ARHGEF26: variants seen among roughly 807,000 people sequenced by gnomAD.
The protein encoded by ARHGEF26 is Rho guanine nucleotide exchange factor (GEF) 26.
ARHGEF26 carries 59 observed loss-of-function variants against 89.4 expected under a neutral mutation model. That is an observed-to-expected ratio of 0.66 (90% CI 0.54 to 0.82). The LOEUF (loss-of-function observed/expected upper bound fraction) is 0.82. ARHGEF26 is among the 40% of genes least tolerant of loss of function. The probability of loss-of-function intolerance (pLI) is 0.00; values close to 1 mark genes in which losing one functional copy is unlikely to be tolerated. For synonymous variants in ARHGEF26, 500 were observed against 428.4 expected (o/e 1.17, Z -2.06); for missense variants, 1,234 against 1,085.6 (o/e 1.14, Z -1.92).
At chr3:154,190,708 G>A (rs186993956) in intron 7 of ARHGEF26, among the ~76,000 whole-genome samples, 3 of 152,196 alleles carry the variant, frequency 2.0e-5, no homozygotes, top group Non-Finnish European at 2.9e-5. Context: ...TCATTAAAAT[G>A]TTATAGCAGC....
intron 6 of ARHGEF26, among the ~76,000 whole-genome samples, chr3:154,169,736 G>A (rs1712294546): frequency 6.6e-6 from 1 of 152,294 alleles, no homozygotes; most frequent in Non-Finnish European, 1.5e-5. Context: ...TGCCATTGGC[G>A]TGAGTTCATT....
At chr3:154,133,250 A>G (rs1025305184) in intron 4 of ARHGEF26, among the ~76,000 whole-genome samples, 2 of 152,100 alleles carry the variant, frequency 1.3e-5, no homozygotes, top group Non-Finnish European at 2.9e-5. Flanking sequence ...CATGCTGGGT[A>G]AGGCAGTGTT....
Position 154,152,943 on chromosome 3 carries a change from T to A in ARHGEF26, c.1487+11T>A. On this transcript the variant is annotated intron_variant, in intron 6 of 14. Transcript: ENST00000465093. ...TGAGGCAAGCAAAAAGTAAGTGCAC[T>A]GCAGTCTGCCTTTGGTCGTGCCAAG... 1 of 1,552,476 alleles carries A rather than the reference T, an allele frequency of 6.4e-7. No homozygotes were observed. The highest frequency in any genetic ancestry group is 8.7e-7 in the Non-Finnish European group (1 of 1,150,826).
intron 4 of ARHGEF26, among the ~76,000 whole-genome samples, chr3:154,136,008 G>A (rs1236741450): frequency 6.6e-6 from 1 of 152,122 alleles, no homozygotes; most frequent in Admixed American, 6.6e-5. Context: ...CATGGGGTGC[G>A]TTTGTGTAAT....
At chr3:154,220,401 A>G (rs2108251756) in intron 10 of ARHGEF26, among the ~76,000 whole-genome samples, 1 of 152,332 alleles carries the variant, frequency 6.6e-6, no homozygotes, top group East Asian at 1.9e-4. Context: ...GGAGATGGAC[A>G]ACTCTAAGAG....
At chr3:154,125,361 C>T (rs368620909) in intron 3 of ARHGEF26, among the ~76,000 whole-genome samples, 52 of 152,068 alleles carry the variant, frequency 3.4e-4, no homozygotes, top group Non-Finnish European at 6.0e-4. Flanking sequence ...ATTCATTCAC[C>T]GCACCAATCT....
At chr3:154,152,434 T>G (rs1422721911) in intron 5 of ARHGEF26, among the ~76,000 whole-genome samples, 1 of 152,168 alleles carries the variant, frequency 6.6e-6, no homozygotes, top group African/African-American at 2.4e-5. Flanking sequence ...AAAGGTTAAT[T>G]AATGTCTCAC....
intron 9 of ARHGEF26, among the ~76,000 whole-genome samples, chr3:154,216,157 TA>T (rs1193985567): frequency 6.6e-6 from 1 of 152,056 alleles, no homozygotes; most frequent in African/African-American, 2.4e-5. Flanking sequence ...TTTATATTAT[TA>T]AAAATAAATC....
At chr3:154,255,233 C>A in intron 14 of ARHGEF26, 98 bp from the exon 15 acceptor site, 1 of 1,282,464 alleles carries the variant, frequency 7.8e-7, no homozygotes, top group Non-Finnish European at 1.1e-6. Context: ...TAGCACTTAG[C>A]CTGGGGAGGG....
rs368504534 is a variant in ARHGEF26, at chr3:154,122,499, G to T, written c.507G>T (p.Pro169=). Residue 169 remains proline (P), a synonymous_variant, in exon 2 of 15, where the codon CCG becomes CCT. Coordinates refer to ENST00000465093, the MANE Select transcript of ARHGEF26 (RefSeq NM_015595.4). ...EEDLTGLTAS[P]VPSPTANGLA... The stretch of plus-strand genomic sequence containing the variant: ...ACCTTACTGGGTTGACTGCCAGCCC[G>T]GTGCCTTCGCCCACTGCAAATGGCC... 1.2e-6 allele frequency: 2 copies of T among 1,612,892 alleles called. No individual in the cohort carries two copies. Among genetic ancestry groups the T allele is most frequent in the African/African-American group, 1.3e-5 (1 of 74,916 alleles).
At chr3:154,155,672 G>A (rs977180487) in intron 6 of ARHGEF26, among the ~76,000 whole-genome samples, 1 of 151,982 alleles carries the variant, frequency 6.6e-6, no homozygotes, top group Non-Finnish European at 1.5e-5. Flanking sequence ...CAAGCATTAT[G>A]TTGTAGCCTT....
At chr3:154,149,139 A>G (rs1719861723) in intron 4 of ARHGEF26, among the ~76,000 whole-genome samples, 1 of 152,196 alleles carries the variant, frequency 6.6e-6, no homozygotes, top group African/African-American at 2.4e-5. Context: ...GAACAGTATC[A>G]GCTTTCTAGA....
intron 9 of ARHGEF26, among the ~76,000 whole-genome samples, chr3:154,199,283 A>T (rs1201527558): frequency 2.6e-5 from 4 of 152,000 alleles, no homozygotes; most frequent in African/African-American, 9.7e-5. Flanking sequence ...TTTAAAAAAA[A>T]TTTTTAAATC....
At chr3:154,152,242 A>G (rs1720066828) in intron 5 of ARHGEF26, among the ~76,000 whole-genome samples, 1 of 152,224 alleles carries the variant, frequency 6.6e-6, no homozygotes, top group Non-Finnish European at 1.5e-5. Context: ...GTCATACCAG[A>G]ATATTTGCTG....
Position 154,189,705 on chromosome 3 carries a change from G to T in ARHGEF26, c.1641-1584G>T, listed in dbSNP as rs1412518632. Among the ~76,000 whole-genome samples, 10 of 152,084 alleles carry T rather than the reference G, an allele frequency of 6.6e-5. No homozygotes were observed. The East Asian group carries it at 1.7e-3, about 26-fold the overall frequency. ...CTAGCTGCATGTTAGAAATGCCTTGGGGCCTGAAAATGAGCAAATGTACAC... is the reference window on the plus strand; with the variant it reads ...CTAGCTGCATGTTAGAAATGCCTTGTGGCCTGAAAATGAGCAAATGTACAC... On this transcript the variant is annotated intron_variant, in intron 7 of 14. Coordinates refer to ENST00000465093, the MANE Select transcript of ARHGEF26 (RefSeq NM_015595.4).
At chr3:154,141,290 A>G (rs1318356823) in intron 4 of ARHGEF26, among the ~76,000 whole-genome samples, 1 of 152,196 alleles carries the variant, frequency 6.6e-6, no homozygotes, top group African/African-American at 2.4e-5. Context: ...GAAAGGATGT[A>G]GGCCAGAATG....
intron 8 of ARHGEF26, among the ~76,000 whole-genome samples, chr3:154,193,593 A>G (rs1283114782): frequency 6.6e-6 from 1 of 152,186 alleles, no homozygotes; most frequent in Non-Finnish European, 1.5e-5. Context: ...TGTATTTAAA[A>G]TAGTGTCTCT....
intron 6 of ARHGEF26, among the ~76,000 whole-genome samples, chr3:154,172,738 A>G (rs568086657): frequency 6.6e-6 from 1 of 152,294 alleles, no homozygotes; most frequent in South Asian, 2.1e-4. Context: ...AGCCAGCCAT[A>G]TAGAACAGAT....
At chr3:154,228,936 C>T (rs1293262471) in intron 11 of ARHGEF26, among the ~76,000 whole-genome samples, 1 of 152,174 alleles carries the variant, frequency 6.6e-6, no homozygotes, top group Non-Finnish European at 1.5e-5. Context: ...GCTGGGCTTC[C>T]AGTGGTTTTC....
Sources: allele counts gnomAD v4.1 joint callset (sites outside exome capture counted in the v4.1 genomes callset), GRCh38; gene constraint gnomAD v4.1.1; transcripts MANE v1.5; gene names NCBI Gene and HGNC (gene_info 2026-07-23, HGNC 2026-07-21).